CA12: variants seen among roughly 807,000 people sequenced by gnomAD.
CA12 encodes carbonate dehydratase XII.
A neutral mutation model predicts 46.8 loss-of-function variants in CA12; 36 were observed. The observed-to-expected ratio is 0.77, with a 90% confidence interval of 0.59 to 1.02. CA12 has a LOEUF of 1.02. Ranked by LOEUF, CA12 falls within the 50% of genes least tolerant of loss-of-function variation. The pLI, the probability that CA12 is intolerant of heterozygous loss-of-function variation, is 0.00. For missense variants in CA12, 436 were observed against 451.4 expected, an observed-to-expected ratio of 0.97 and a Z score of 0.31; for synonymous variants, 202 against 187.0, an observed-to-expected ratio of 1.08 and a Z score of -0.65.
intron 2 of CA12, among the ~76,000 whole-genome samples, chr15:63,367,210 C>CCAGCCAGCCATGTG (rs2152625134): frequency 6.6e-6 from 1 of 152,230 alleles, no homozygotes; most frequent in South Asian, 2.1e-4. Flanking sequence ...TGTGAGCCAC[C>CCAGCCAGCCATGTG]GCACCCAGCC....
At chr15:63,369,515 G>C (rs958669221) in intron 2 of CA12, among the ~76,000 whole-genome samples, 53 of 152,224 alleles carry the variant, frequency 3.5e-4, no homozygotes, top group African/African-American at 1.2e-3. Flanking sequence ...GAATCACCTG[G>C]AGGACTTGTT....
At chr15:63,380,511 T>C (rs1202377740) in intron 1 of CA12, among the ~76,000 whole-genome samples, 1 of 152,234 alleles carries the variant, frequency 6.6e-6, no homozygotes, top group Non-Finnish European at 1.5e-5. Context: ...AAAGGAAACA[T>C]GTAAAGTTTG....
Position 63,345,241 on chromosome 15 carries a change from G to A in CA12, c.429+236C>T, listed in dbSNP as rs1312511065. ...ACTGCCTCCCCAGCAGCATCACTCA[G>A]TAAAAGACACAGGGACAAACTTAGC... is the stretch of plus-strand genomic sequence containing the variant. On this transcript the variant is annotated intron_variant, in intron 4 of 10. Coordinates refer to ENST00000178638, the MANE Select transcript of CA12 (RefSeq NM_001218.5). This position sits in a 1 kb window ranked among gnomAD's most constrained non-coding sequence, Gnocchi z 4.3. Among the ~76,000 whole-genome samples, 2 of 152,234 alleles carry A rather than the reference G, an allele frequency of 1.3e-5. No individual in the cohort carries two copies. Among genetic ancestry groups the A allele is most frequent in the African/African-American group, 4.8e-5 (2 of 41,462 alleles).
rs2039542355 is a variant in CA12 at position 63,374,183 on chromosome 15, G to C, written c.106+1475C>G. Among the ~76,000 whole-genome samples, 1 of 151,998 alleles carries C rather than the reference G, an allele frequency of 6.6e-6. No individual in the cohort carries two copies. The highest frequency in any genetic ancestry group is 2.1e-4 in the South Asian group (1 of 4,820). Reference sequence around the variant, plus strand: ...CTCCACACCTCCCCTGTTTGACCCAGCCTATCTCTCTGACCTTAGAGCCCG... The same window carrying C: ...CTCCACACCTCCCCTGTTTGACCCACCCTATCTCTCTGACCTTAGAGCCCG... On this transcript the variant is annotated intron_variant, in intron 2 of 10. Transcript: ENST00000178638. This position sits in a 1 kb window ranked among gnomAD's most constrained non-coding sequence, Gnocchi z 4.4.
intron 2 of CA12, among the ~76,000 whole-genome samples, chr15:63,351,902 T>C (rs892460872): frequency 6.6e-6 from 1 of 152,246 alleles, no homozygotes; most frequent in African/African-American, 2.4e-5. Context: ...CAGAACTTTA[T>C]GTCATATCCC....
In CA12 at chr15:63,353,563, C is replaced by T. The variant is rs569611573; in HGVS notation, c.107-6854G>A. 2.2e-4 allele frequency among the ~76,000 whole-genome samples: 34 copies of T among 152,268 alleles called. 1 individual carries two copies. In the East Asian group the frequency reaches 2.5e-3, roughly 11 times the overall value. Reference sequence around the variant, plus strand: ...TTCCTGTTGGGAGGCTAGTACCTGCCTCTCTCTGGGGGTCATCCAACAGTC... The same window carrying T: ...TTCCTGTTGGGAGGCTAGTACCTGCTTCTCTCTGGGGGTCATCCAACAGTC... On this transcript the variant is annotated intron_variant, in intron 2 of 10. Transcript: ENST00000178638.
intron 8 of CA12, among the ~76,000 whole-genome samples, chr15:63,333,486 T>A (rs1290977993): frequency 6.6e-6 from 1 of 152,260 alleles, no homozygotes; most frequent in Non-Finnish European, 1.5e-5. Flanking sequence ...TGCTCCTGAC[T>A]GTTCGGCCTC....
At chr15:63,377,109 A>C (rs2039587624) in intron 1 of CA12, among the ~76,000 whole-genome samples, 2 of 152,182 alleles carry the variant, frequency 1.3e-5, no homozygotes, top group Admixed American at 1.3e-4. Context: ...ATGTCAAAAA[A>C]GGTCTTTTTC....
In CA12 at chr15:63,345,937, A is replaced by C. The variant is rs566754926; in HGVS notation, c.287-318T>G. Among the ~76,000 whole-genome samples, 93 of 152,350 alleles carry C rather than the reference A, an allele frequency of 6.1e-4. No individual in the cohort carries two copies. Among genetic ancestry groups the C allele is most frequent in the Non-Finnish European group, 1.2e-3 (79 of 68,030 alleles). ...TTATTTACATATTGATGGATCAGAC[A>C]CCTTTAGTGAAGTACCTTCCAAGCT... is the stretch of plus-strand genomic sequence containing the variant. On this transcript the variant is annotated intron_variant, in intron 3 of 10. Coordinates refer to ENST00000178638, the MANE Select transcript of CA12 (RefSeq NM_001218.5). This position sits in a 1 kb window ranked among gnomAD's most constrained non-coding sequence, Gnocchi z 4.3.
intron 2 of CA12, among the ~76,000 whole-genome samples, chr15:63,352,526 T>C (rs959287042): frequency 4.6e-5 from 7 of 152,256 alleles, no homozygotes; most frequent in African/African-American, 1.4e-4. Flanking sequence ...TTCTGCCCCA[T>C]GACACTTCTT....
At position 63,341,949 on chromosome 15, in the gene CA12, C is replaced by CT. The variant is rs534151029; in HGVS notation, c.525+52_525+53insA. The CT allele has an allele frequency of 2.0e-3, 2,591 of 1,273,978 alleles. 5 individuals carry two copies. Among genetic ancestry groups the CT allele is most frequent in the Non-Finnish European group, 2.8e-3 (2,417 of 874,436 alleles). 78.9% of individuals were successfully genotyped at this position (1,273,978 alleles called of 1,614,324 possible). A position where few individuals can be genotyped will look rare whatever the true frequency, so the allele number is the denominator to read the frequency against. ...ATGCATGGAACAAAAGGTGGAATCC[C>CT]AATCTCATCCCTGCTTCAAATTTCA... On this transcript the variant is annotated intron_variant, in intron 5 of 10. Coordinates refer to ENST00000178638, the MANE Select transcript of CA12 (RefSeq NM_001218.5). The surrounding 1 kb of genome is among the most constrained non-coding windows in gnomAD (Gnocchi z 5.2).
chr15:63,381,215 T>C (rs1182000925), intron 1 of CA12, among the ~76,000 whole-genome samples: 2 of 152,212 alleles, frequency 1.3e-5, no homozygotes, highest in African/African-American at 4.8e-5. Context: ...CGCCTACCAC[T>C]GTCTGCGGGT....
At chr15:63,370,940 G>A (rs928913517) in intron 2 of CA12, among the ~76,000 whole-genome samples, 3 of 152,126 alleles carry the variant, frequency 2.0e-5, no homozygotes, top group Non-Finnish European at 4.4e-5. Flanking sequence ...ATAGAGACAA[G>A]AGCCCTCGGT....
chr15:63,361,361 C>T (rs1218732151), intron 2 of CA12, among the ~76,000 whole-genome samples: 1 of 152,210 alleles, frequency 6.6e-6, no homozygotes, highest in Non-Finnish European at 1.5e-5. Flanking sequence ...TGTTGCCCCA[C>T]CTGTGATGTT....
chr15:63,326,052 C>T lies in CA12; in HGVS notation c.*233G>A. On this transcript the variant is annotated 3_prime_UTR_variant, in exon 11 of 11. Coordinates refer to ENST00000178638, the MANE Select transcript of CA12 (RefSeq NM_001218.5). ...AATCTCACACAGTTACAGCAAGCAG[C>T]TTTGAATTCCTGCTGCTTGGTCTGA... 1.8e-6 allele frequency: 1 copy of T among 555,338 alleles called. No homozygotes were observed. The allele number at this position is 555,338 out of a possible 1,614,324, so 34.4% of individuals were successfully genotyped here. A position where few individuals can be genotyped will look rare whatever the true frequency, so the allele number is the denominator to read the frequency against.
chr15:63,358,197 T>C (rs2039316821), intron 2 of CA12, among the ~76,000 whole-genome samples: 1 of 152,184 alleles, frequency 6.6e-6, no homozygotes, highest in African/African-American at 2.4e-5. Context: ...CCTGTTTGAG[T>C]TTTAGAAAAT....
At chr15:63,349,821 G>A (rs767714824) in intron 2 of CA12, among the ~76,000 whole-genome samples, 4 of 152,118 alleles carry the variant, frequency 2.6e-5, no homozygotes, top group Non-Finnish European at 5.9e-5. Context: ...TTCCCACAGT[G>A]CCTGGCACAG....
intron 1 of CA12, among the ~76,000 whole-genome samples, chr15:63,376,797 C>A (rs928342216): frequency 1.6e-4 from 25 of 151,594 alleles, no homozygotes; most frequent in African/African-American, 6.1e-4. Flanking sequence ...CGCGCACCAC[C>A]ACACCTGGCT....
chr15:63,368,208 A>T (rs184635561), intron 2 of CA12, among the ~76,000 whole-genome samples: 1 of 152,356 alleles, frequency 6.6e-6, no homozygotes, highest in East Asian at 1.9e-4. Context: ...CAGAGATGCT[A>T]AAATGTGGGG....
Sources: gnomAD v4.1 joint callset for allele counts (sites outside exome capture counted in the v4.1 genomes callset) on GRCh38, gnomAD v4.1.1 for gene constraint, Gnocchi (gnomAD v3.1) non-coding constraint, MANE v1.5 for transcripts, NCBI Gene and HGNC (gene_info 2026-07-23, HGNC 2026-07-21) for gene names.